The following ABTB2 variants were observed in gnomAD, a reference collection of about 807,000 sequenced individuals.
ABTB2 encodes the protein ankyrin repeat and BTB domain containing 2, also known as ankyrin repeat and BTB/POZ domain-containing protein 2.
ABTB2 carries 56 observed loss-of-function variants against 104.1 expected under a neutral mutation model. That is an observed-to-expected ratio of 0.54 (90% confidence interval 0.43 to 0.67). ABTB2 has a LOEUF of 0.67. Ranked by LOEUF, ABTB2 falls within the 30% of genes least tolerant of loss-of-function variation. The probability of loss-of-function intolerance (pLI) is 0.00; values close to 1 mark genes in which losing one functional copy is unlikely to be tolerated. For missense variants in ABTB2, 1,279 were observed against 1,407.7 expected, an observed-to-expected ratio of 0.91 and a Z score of 1.46; for synonymous variants, 606 against 608.2, an observed-to-expected ratio of 1.00 and a Z score of 0.05.
At chr11:34,194,743 G>T (rs1221268013) in intron 3 of ABTB2, among the ~76,000 whole-genome samples, 14 of 150,936 alleles carry the variant, frequency 9.3e-5, no homozygotes, top group African/African-American at 2.7e-4. Flanking sequence ...TTTTAGGGTT[G>T]TCCTCCTTTC....
chr11:34,180,942 T>A (rs1853018637), intron 3 of ABTB2, among the ~76,000 whole-genome samples: 1 of 152,204 alleles, frequency 6.6e-6, no homozygotes, highest in Non-Finnish European at 1.5e-5. Context: ...TCTTGCTCTG[T>A]CACCCAGGCC....
At position 34,293,728 on chromosome 11, in the gene ABTB2, T is replaced by A. The variant is rs867303859; in HGVS notation, c.883+62973A>T. On this transcript the variant is annotated intron_variant, in intron 1 of 16. Transcript: ENST00000435224. ...TAAGGGTAAGGAAAACAAGGTAAAT[T>A]TTTTTTTTTTCCTCAAGATGGAGTC... 2.6e-3 allele frequency among the ~76,000 whole-genome samples: 385 copies of A among 146,422 alleles called. 2 individuals are homozygous for A. Among genetic ancestry groups the A allele is most frequent in the Middle Eastern group, 7.0e-3 (2 of 286 alleles).
At position 34,167,212 on chromosome 11, in the gene ABTB2, T is replaced by C. The variant is rs1326108318; in HGVS notation, c.1755+47A>G. 2.0e-6 allele frequency: 3 copies of C among 1,532,822 alleles called. No individual in the cohort carries two copies. In the East Asian group the frequency reaches 7.2e-5, roughly 37 times the overall value. The allele number at this position is 1,532,822 out of a possible 1,614,324, so 95.0% of individuals were successfully genotyped here. On this transcript the variant is annotated intron_variant, in intron 7 of 16. Transcript: ENST00000435224. Reference sequence around the variant, plus strand: ...GCTGGGGCTGTGCTTGGGGCCCAGGTCACCTGGTAAGCTGGGGGGCATGGT... The same window carrying C: ...GCTGGGGCTGTGCTTGGGGCCCAGGCCACCTGGTAAGCTGGGGGGCATGGT...
At chr11:34,186,507 T>C (rs1336825990) in intron 3 of ABTB2, among the ~76,000 whole-genome samples, 1 of 152,174 alleles carries the variant, frequency 6.6e-6, no homozygotes, top group East Asian at 1.9e-4. Context: ...ATTCCCTGCA[T>C]TGAGAATCCT....
At chr11:34,238,686 G>A (rs543090480) in intron 1 of ABTB2, among the ~76,000 whole-genome samples, 1 of 152,332 alleles carries the variant, frequency 6.6e-6, no homozygotes, top group South Asian at 2.1e-4. Flanking sequence ...CTCACAGCCT[G>A]AGCTGGGATT....
intron 1 of ABTB2, among the ~76,000 whole-genome samples, chr11:34,298,248 T>A (rs964115945): frequency 1.3e-5 from 2 of 151,958 alleles, no homozygotes; most frequent in African/African-American, 4.8e-5. Flanking sequence ...ACTACTCCAA[T>A]ACACACCACA....
At chr11:34,258,111 C>T (rs755604376) in intron 1 of ABTB2, among the ~76,000 whole-genome samples, 1 of 152,134 alleles carries the variant, frequency 6.6e-6, no homozygotes, top group Non-Finnish European at 1.5e-5. Flanking sequence ...CAGGACCCGC[C>T]TCAATAACTC....
At chr11:34,191,779 G>T (rs1323017135) in intron 3 of ABTB2, among the ~76,000 whole-genome samples, 1 of 152,188 alleles carries the variant, frequency 6.6e-6, no homozygotes, top group Non-Finnish European at 1.5e-5. Flanking sequence ...GCTCAGCCCT[G>T]TGTGTCTTGG....
At chr11:34,181,825 G>A (rs1300616002) in intron 3 of ABTB2, among the ~76,000 whole-genome samples, 1 of 152,204 alleles carries the variant, frequency 6.6e-6, no homozygotes, top group African/African-American at 2.4e-5. Flanking sequence ...AAGAGATGAC[G>A]ATCAAGGGAG....
chr11:34,206,030 T>C (rs891778843), intron 1 of ABTB2, among the ~76,000 whole-genome samples: 1 of 152,164 alleles, frequency 6.6e-6, no homozygotes, highest in Admixed American at 6.5e-5. Flanking sequence ...GCTGGGAACA[T>C]AGGCTTCATT....
chr11:34,355,867 G>C (rs1041754767), intron 1 of ABTB2, among the ~76,000 whole-genome samples: 4 of 152,186 alleles, frequency 2.6e-5, no homozygotes, highest in African/African-American at 9.7e-5. Context: ...TATCTTCAGG[G>C]AAGTGCAACC....
intron 1 of ABTB2, among the ~76,000 whole-genome samples, chr11:34,250,530 T>G (rs1347081039): frequency 1.3e-5 from 2 of 152,202 alleles, no homozygotes; most frequent in African/African-American, 4.8e-5. Flanking sequence ...TGTGGCCAAC[T>G]GCAACAATTT....
intron 14 of ABTB2, among the ~76,000 whole-genome samples, chr11:34,156,727 T>C (rs566581454): frequency 1.2e-4 from 18 of 152,252 alleles, no homozygotes; most frequent in African/African-American, 4.3e-4. Context: ...TTTCTACATG[T>C]TGGTCAGGCT....
intron 1 of ABTB2, among the ~76,000 whole-genome samples, chr11:34,287,087 C>T (rs1854514200): frequency 6.6e-6 from 1 of 151,484 alleles, no homozygotes; most frequent in Non-Finnish European, 1.5e-5. Context: ...TGGCTCATGC[C>T]TGTAATCCCA....
At chr11:34,262,017 TAC>T (rs1301406129) in intron 1 of ABTB2, among the ~76,000 whole-genome samples, 1 of 152,162 alleles carries the variant, frequency 6.6e-6, no homozygotes, top group Admixed American at 6.5e-5. Flanking sequence ...ATACCCCTGG[TAC>T]AGTGAGTCCA....
At chr11:34,205,002 A>C (rs2133040925) in intron 1 of ABTB2, among the ~76,000 whole-genome samples, 1 of 152,256 alleles carries the variant, frequency 6.6e-6, no homozygotes, top group Non-Finnish European at 1.5e-5. Flanking sequence ...TCACTTGCTG[A>C]ATATTTACAG....
chr11:34,283,236 G>A (rs1013273178), intron 1 of ABTB2, among the ~76,000 whole-genome samples: 4 of 151,264 alleles, frequency 2.6e-5, no homozygotes, highest in African/African-American at 9.7e-5. Context: ...CTTTTTTTGA[G>A]ATGGAATCTC....
chr11:34,293,300 G>A (rs768076474), intron 1 of ABTB2, among the ~76,000 whole-genome samples: 1 of 152,152 alleles, frequency 6.6e-6, no homozygotes, highest in Non-Finnish European at 1.5e-5. Context: ...GATGGGACAC[G>A]AGGAGGCTGG....
chr11:34,163,397 A>AC, intron 9 of ABTB2, among the ~76,000 whole-genome samples: 1 of 152,212 alleles, frequency 6.6e-6, no homozygotes, highest in South Asian at 2.1e-4. Flanking sequence ...GTTAGACCCC[A>AC]CAGAGGACGC....
Sources: allele counts gnomAD v4.1 joint callset (sites outside exome capture counted in the v4.1 genomes callset), GRCh38; gene constraint gnomAD v4.1.1; transcripts MANE v1.5; gene names NCBI Gene and HGNC (gene_info 2026-07-23, HGNC 2026-07-21).